LRP2: variants seen among roughly 807,000 people sequenced by gnomAD.
The protein encoded by LRP2 is low-density lipoprotein receptor-related protein 2.
Under a neutral mutation model 531.0 loss-of-function variants are expected in LRP2, and 172 were observed. The ratio of observed to expected loss-of-function variants is 0.32; its 90% CI spans 0.29 to 0.37. The LOEUF (loss-of-function observed/expected upper bound fraction) is 0.37. LRP2 is among the 10% of genes least tolerant of loss of function. The pLI is 1.00. For missense variants in LRP2, 5,167 were observed against 5,868.3 expected (o/e 0.88, Z 3.90); for synonymous variants, 1,992 against 2,027.6 (o/e 0.98, Z 0.47).
chr2:169,200,605 T>C (rs1363414428), intron 44 of LRP2, among the ~76,000 whole-genome samples: 3 of 152,022 alleles, frequency 2.0e-5, no homozygotes, highest in African/African-American at 7.3e-5. Context: ...GAGTTCAATA[T>C]AATACTAAAC....
intron 16 of LRP2, among the ~76,000 whole-genome samples, chr2:169,262,303 T>G (rs1356515692): frequency 9.6e-6 from 1 of 103,846 alleles, no homozygotes; most frequent in Admixed American, 1.0e-4. Context: ...GGAAGTCAAA[T>G]TGTCCCTGTT....
At chr2:169,153,200 A>T (rs564777330) in intron 66 of LRP2, among the ~76,000 whole-genome samples, 55 of 152,348 alleles carry the variant, frequency 3.6e-4, no homozygotes, top group Non-Finnish European at 7.3e-4. Context: ...AGTCATCTCT[A>T]TTTAAAAGTG....
At position 169,146,973 on chromosome 2, in the gene LRP2, T is replaced by A; in HGVS notation, c.12591-14A>T. 6.3e-7 allele frequency: 1 copy of A among 1,584,404 alleles called. No homozygotes were observed. Among genetic ancestry groups the A allele is most frequent in the Non-Finnish European group, 8.6e-7 (1 of 1,158,256 alleles). ...CAGAACATAAGCCTATAACAGAAGATTTCTTCACTGTAGCATCTCACCTGG... is the reference window on the plus strand; with the variant it reads ...CAGAACATAAGCCTATAACAGAAGAATTCTTCACTGTAGCATCTCACCTGG... On this transcript the variant is annotated splice_polypyrimidine_tract_variant and intron_variant, in intron 68 of 78. Coordinates refer to ENST00000649046, the MANE Select transcript of LRP2 (RefSeq NM_004525.3).
At chr2:169,147,147 A>T (rs1020247027) in intron 68 of LRP2, among the ~76,000 whole-genome samples, 188 bp from the exon 69 acceptor site, 1 of 152,212 alleles carries the variant, frequency 6.6e-6, no homozygotes, top group African/African-American at 2.4e-5. Context: ...CATATGATTT[A>T]TCCTTCTTGA....
chr2:169,240,779 C>G, intron 25 of LRP2: 1 of 626,072 alleles, frequency 1.6e-6, no homozygotes, highest in East Asian at 2.7e-5. Flanking sequence ...AGTAAAAACA[C>G]ATAACCAAGT....
chr2:169,176,887 C>G (rs530419378), intron 53 of LRP2, among the ~76,000 whole-genome samples: 1 of 152,130 alleles, frequency 6.6e-6, no homozygotes, highest in Non-Finnish European at 1.5e-5. Context: ...GTAAACTTAG[C>G]TTATGTTCAT....
intron 34 of LRP2, among the ~76,000 whole-genome samples, chr2:169,219,028 A>G (rs954438046): frequency 2.6e-5 from 4 of 152,188 alleles, no homozygotes; most frequent in Non-Finnish European, 5.9e-5. Flanking sequence ...ACACCACCCA[A>G]CAAAGGTACA....
intron 70 of LRP2, among the ~76,000 whole-genome samples, chr2:169,144,866 AG>A (rs1685852167): frequency 6.6e-6 from 1 of 152,216 alleles, no homozygotes; most frequent in Non-Finnish European, 1.5e-5. Flanking sequence ...ACATATCCAT[AG>A]CATTCAACCT....
At chr2:169,324,502 C>A (rs771237692) in intron 1 of LRP2, among the ~76,000 whole-genome samples, 10 of 151,616 alleles carry the variant, frequency 6.6e-5, no homozygotes, top group African/African-American at 9.7e-5. Context: ...AATTATTGGG[C>A]TTAGGAAAAA....
At chr2:169,159,535 C>A (rs1293464772) in intron 63 of LRP2, among the ~76,000 whole-genome samples, 5 of 152,154 alleles carry the variant, frequency 3.3e-5, no homozygotes, top group Non-Finnish European at 7.3e-5. Context: ...CTCTTAACAA[C>A]TGTACATTGT....
chr2:169,282,951 G>A lies in LRP2; in HGVS notation c.1093C>T (p.Arg365Ter), dbSNP rs80338744. ...CAGTGGCACAGGTGACGGCCAGGTC[G>A]GCTTTCACACTTCTGGTCACAAATT... ...WGICDQKCES[R>*]PGRHLCHCEE... The change falls in exon 10 of 79, where the codon CGA (arginine) becomes TGA (stop). Residue 365 changes from arginine to a stop codon, truncating the protein, a stop_gained. Transcript: ENST00000649046. LOFTEE classifies it high-confidence loss of function. 16 of 1,614,022 alleles carry A rather than the reference G, an allele frequency of 9.9e-6. No individual in the cohort carries two copies. Among genetic ancestry groups the A allele is most frequent in the Non-Finnish European group, 1.4e-5 (16 of 1,179,954 alleles).
At chr2:169,271,611 G>GCACACACA (rs55672417) in intron 15 of LRP2, 3 of 225,722 alleles carry the variant, frequency 1.3e-5, no homozygotes, top group African/African-American at 7.3e-5. Flanking sequence ...GGCAAAACAT[G>GCACACACA]CACACACACA....
chr2:169,269,862 A>G (rs1444368078), intron 16 of LRP2, among the ~76,000 whole-genome samples: 2 of 152,252 alleles, frequency 1.3e-5, no homozygotes, highest in Non-Finnish European at 2.9e-5. Flanking sequence ...CCCATCTTAC[A>G]AAGGGCTAAT....
At chr2:169,144,112 G>A (rs1685822429) in intron 70 of LRP2, among the ~76,000 whole-genome samples, 1 of 152,160 alleles carries the variant, frequency 6.6e-6, no homozygotes, top group Non-Finnish European at 1.5e-5. Flanking sequence ...AGGATCCCAA[G>A]ACTCCTGGCC....
chr2:169,167,089 C>T (rs1018400524), intron 61 of LRP2, among the ~76,000 whole-genome samples: 28 of 152,180 alleles, frequency 1.8e-4, no homozygotes, highest in African/African-American at 6.8e-4. Flanking sequence ...AGCTGTGTCT[C>T]TGACTCTCCA....
chr2:169,270,548 T>C (rs1470356980), intron 16 of LRP2, among the ~76,000 whole-genome samples: 6 of 139,824 alleles, frequency 4.3e-5, no homozygotes, highest in South Asian at 4.5e-4. Flanking sequence ...CAGGTGGGAA[T>C]TGAACAATGA....
At chr2:169,321,488 C>A (rs1684907600) in intron 1 of LRP2, among the ~76,000 whole-genome samples, 1 of 149,178 alleles carries the variant, frequency 6.7e-6, no homozygotes, top group Non-Finnish European at 1.5e-5. Flanking sequence ...GTAAAAAAGA[C>A]CAGAATGTTA....
In LRP2 at chr2:169,204,215, G is replaced by A; in HGVS notation, c.7772C>T (p.Ala2591Val). 1.2e-6 allele frequency: 2 copies of A among 1,614,102 alleles called. No individual in the cohort carries two copies. The highest frequency in any genetic ancestry group is 1.7e-6 in the Non-Finnish European group (2 of 1,180,030). ...TGVDREVIVNAAVHAFGLTLY... is the reference protein window; with the variant it reads ...TGVDREVIVNVAVHAFGLTLY... ...AGTCAAGCCAAAAGCATGAACGGCT[G>A]CATTGACAATGACTTCACGATCCAC... Residue 2591 changes from alanine to valine, a missense_variant, in exon 42 of 79, where the codon GCA becomes GTA. By Grantham distance (64) the Ala-to-Val change is moderately conservative (BLOSUM62 0). Around this residue, in one of 6 missense-constraint regions of LRP2, gnomAD observed 1,129 missense variants for 1,362.7 expected, o/e 0.83. Coordinates refer to ENST00000649046, the MANE Select transcript of LRP2 (RefSeq NM_004525.3).
intron 1 of LRP2, among the ~76,000 whole-genome samples, chr2:169,332,262 G>C (rs1278634122): frequency 6.6e-6 from 1 of 152,162 alleles, no homozygotes; most frequent in South Asian, 2.1e-4. Context: ...CTACTAAATG[G>C]ACCTTCTTGA....
Sources: gnomAD v4.1 joint callset for allele counts (sites outside exome capture counted in the v4.1 genomes callset) on GRCh38, gnomAD v4.1.1 for gene constraint, gnomAD v4.1.1 regional missense constraint, MANE v1.5 for transcripts, NCBI Gene and HGNC (gene_info 2026-07-23, HGNC 2026-07-21) for gene names.